The following RAPGEF2 variants were observed in gnomAD, a reference collection of about 807,000 sequenced individuals.
RAPGEF2 encodes the protein Rap guanine nucleotide exchange factor 2, also known as PDZ domain containing guanine nucleotide exchange factor (GEF) 1.
A neutral mutation model predicts 186.7 loss-of-function variants in RAPGEF2; 54 were observed. The ratio of observed to expected loss-of-function variants is 0.29; its 90% CI spans 0.23 to 0.36. RAPGEF2 has a LOEUF of 0.36. Ranked by LOEUF, RAPGEF2 falls within the 10% of genes least tolerant of loss-of-function variation. The pLI is 1.00. For synonymous variants in RAPGEF2, 712 were observed against 705.9 expected, an observed-to-expected ratio of 1.01 and a Z score of -0.14; for missense variants, 1,532 against 2,045.0, an observed-to-expected ratio of 0.75 and a Z score of 4.84.
Position 159,104,489 on chromosome 4 carries a change from C to CGAGAGAGAGAGA in RAPGEF2, c.69+284_69+295dup, listed in dbSNP as rs553251268. On this transcript the variant is annotated intron_variant, in intron 1 of 29. Coordinates refer to ENST00000691494, the MANE Select transcript of RAPGEF2 (RefSeq NM_001394067.2). ...GACCTTTCCCACTATGTTGCCCAGC[C>CGAGAGAGAGAGA]GAGAGAGAGAGAGAGAGAGAGAGAG... Among the ~76,000 whole-genome samples the CGAGAGAGAGAGA allele has an allele frequency of 7.1e-3, 627 of 88,750 alleles. 10 individuals carry two copies. Among genetic ancestry groups the CGAGAGAGAGAGA allele is most frequent in the Middle Eastern group, 0.022 (4 of 180 alleles). 58.2% of individuals were successfully genotyped at this position (88,750 alleles called of 152,430 possible).
At chr4:159,150,202 G>T (rs7663993) in intron 1 of RAPGEF2, among the ~76,000 whole-genome samples, 85,238 of 151,166 alleles carry the variant, frequency 0.56, 24,109 homozygotes, top group Admixed American at 0.61. Context: ...ATACTATAAA[G>T]TCACCATGAC....
chr4:159,106,772 G>C (rs960192287), intron 1 of RAPGEF2, among the ~76,000 whole-genome samples: 3 of 152,130 alleles, frequency 2.0e-5, no homozygotes, highest in African/African-American at 7.2e-5. Context: ...CAAGCTCCGT[G>C]AAAACATAGT....
At chr4:159,330,275 G>GTA in intron 12 of RAPGEF2, 59 bp from the exon 13 acceptor site, 2 of 789,678 alleles carry the variant, frequency 2.5e-6, no homozygotes, top group African/African-American at 1.8e-5. Flanking sequence ...ATGTGTGTGT[G>GTA]TGTGTGTGTG....
chr4:159,301,261 T>C (rs1762637128), intron 7 of RAPGEF2, among the ~76,000 whole-genome samples: 1 of 151,944 alleles, frequency 6.6e-6, no homozygotes, highest in South Asian at 2.1e-4. Context: ...CCCAGCTCTT[T>C]GGGAGGCTGA....
chr4:159,174,244 C>T (rs1485395095), intron 1 of RAPGEF2, among the ~76,000 whole-genome samples: 1 of 152,222 alleles, frequency 6.6e-6, no homozygotes, highest in Non-Finnish European at 1.5e-5. Flanking sequence ...CTAAACATAA[C>T]ACCCAGTTGG....
intron 7 of RAPGEF2, among the ~76,000 whole-genome samples, chr4:159,295,742 T>C (rs1451568420): frequency 3.5e-4 from 47 of 133,504 alleles, no homozygotes; most frequent in African/African-American, 1.2e-3. Context: ...TGTGTGTGTG[T>C]GTGTGTGTGT....
chr4:159,168,170 T>A (rs1336872818), intron 1 of RAPGEF2, among the ~76,000 whole-genome samples: 1 of 152,236 alleles, frequency 6.6e-6, no homozygotes, highest in African/African-American at 2.4e-5. Context: ...TTTACTTTCA[T>A]ACAACAGTAT....
chr4:159,259,033 A>G (rs752299595), intron 7 of RAPGEF2, among the ~76,000 whole-genome samples: 4 of 152,206 alleles, frequency 2.6e-5, no homozygotes, highest in Non-Finnish European at 4.4e-5. Context: ...TGTTTTGTCA[A>G]TGAAACTAGC....
In RAPGEF2 at chr4:159,254,678, C is replaced by T. The variant is rs114872020; in HGVS notation, c.543+10887C>T. On this transcript the variant is annotated intron_variant, in intron 7 of 29. Transcript: ENST00000691494. ...GGCGGGAGTGAGGTGGCACAATCTC[C>T]GCTCACTGCAACCCCTGTCTTCTGG... Among the ~76,000 whole-genome samples the T allele has an allele frequency of 3.6e-3, 538 of 150,650 alleles. 4 individuals are homozygous for T. Among genetic ancestry groups the T allele is most frequent in the African/African-American group, 0.012 (508 of 40,826 alleles).
At chr4:159,280,431 G>A (rs1489323666) in intron 7 of RAPGEF2, among the ~76,000 whole-genome samples, 1 of 152,198 alleles carries the variant, frequency 6.6e-6, no homozygotes, top group Non-Finnish European at 1.5e-5. Context: ...TCTTGGCACT[G>A]CTAGTGGCAC....
intron 1 of RAPGEF2, among the ~76,000 whole-genome samples, chr4:159,151,647 G>A (rs1743543679): frequency 6.6e-6 from 1 of 152,144 alleles, no homozygotes. Flanking sequence ...AAGTTGTGGT[G>A]GGCTTCAGGA....
chr4:159,350,345 A>G (rs1731001297), intron 26 of RAPGEF2, 56 bp downstream of exon 26: 10 of 1,375,736 alleles, frequency 7.3e-6, no homozygotes, highest in African/African-American at 1.5e-5. Flanking sequence ...TTTTGGCTAT[A>G]ATAAATTCCA....
intron 7 of RAPGEF2, among the ~76,000 whole-genome samples, chr4:159,263,392 A>G (rs1757092141): frequency 6.6e-6 from 1 of 152,142 alleles, no homozygotes; most frequent in Non-Finnish European, 1.5e-5. Flanking sequence ...TTAAAATGAC[A>G]TTTTTGGGGG....
chr4:159,132,111 C>T (rs1741178381), intron 1 of RAPGEF2, among the ~76,000 whole-genome samples: 1 of 152,132 alleles, frequency 6.6e-6, no homozygotes, highest in African/African-American at 2.4e-5. Context: ...TTGGACCACA[C>T]TATTTAGAGA....
At chr4:159,351,845 G>C (rs1328320151) in intron 26 of RAPGEF2, among the ~76,000 whole-genome samples, 3 of 152,158 alleles carry the variant, frequency 2.0e-5, no homozygotes, top group African/African-American at 7.2e-5. Flanking sequence ...CAGCCACTCG[G>C]GAGGCTGAGG....
At chr4:159,292,329 C>T (rs1176151235) in intron 7 of RAPGEF2, among the ~76,000 whole-genome samples, 5 of 152,214 alleles carry the variant, frequency 3.3e-5, no homozygotes, top group Non-Finnish European at 7.3e-5. Flanking sequence ...GTGTTTGTTG[C>T]TGAAATGCCT....
chr4:159,113,162 T>A (rs937094979), intron 1 of RAPGEF2, among the ~76,000 whole-genome samples: 1 of 152,284 alleles, frequency 6.6e-6, no homozygotes, highest in Non-Finnish European at 1.5e-5. Context: ...GGACATGTGA[T>A]AACCAAATGT....
chr4:159,215,865 G>C (rs537968262), intron 4 of RAPGEF2, among the ~76,000 whole-genome samples: 1 of 152,126 alleles, frequency 6.6e-6, no homozygotes, highest in Non-Finnish European at 1.5e-5. Flanking sequence ...GCTGGAAACC[G>C]GAGAGATTAG....
intron 11 of RAPGEF2, chr4:159,326,924 G>A (rs1347147971): frequency 6.6e-6 from 1 of 152,198 alleles, no homozygotes; most frequent in Non-Finnish European, 1.5e-5. Context: ...TGAACACTTG[G>A]ATACCCATGT....
Sources: gnomAD v4.1 joint callset for allele counts (sites outside exome capture counted in the v4.1 genomes callset) on GRCh38, gnomAD v4.1.1 for gene constraint, MANE v1.5 for transcripts, NCBI Gene and HGNC (gene_info 2026-07-23, HGNC 2026-07-21) for gene names.